BRF1: variants seen among roughly 807,000 people sequenced by gnomAD.
BRF1 encodes the protein transcription factor IIIB 90 kDa subunit.
A neutral mutation model predicts 81.7 loss-of-function variants in BRF1; 59 were observed. That is an observed-to-expected ratio of 0.72 (90% CI 0.59 to 0.90). BRF1 has a LOEUF of 0.90. Ranked by LOEUF, BRF1 falls within the 40% of genes least tolerant of loss-of-function variation. The pLI, the probability that BRF1 is intolerant of heterozygous loss-of-function variation, is 0.00. For synonymous variants in BRF1, 491 were observed against 395.6 expected (o/e 1.24, Z -2.86); for missense variants, 1,050 against 936.3 (o/e 1.12, Z -1.58).
In BRF1 at chr14:105,226,246, GT is replaced by G; in HGVS notation, c.955+4del. 6.2e-7 allele frequency: 1 copy of G among 1,614,108 alleles called. No individual in the cohort carries two copies. Among genetic ancestry groups the G allele is most frequent in the Non-Finnish European group, 8.5e-7 (1 of 1,180,030 alleles). On this transcript the variant is annotated splice_donor_region_variant and intron_variant, in intron 9 of 17. Coordinates refer to ENST00000547530, the MANE Select transcript of BRF1 (RefSeq NM_001519.4). Reference sequence around the variant, plus strand: ...AAGCATTACATGGGAAGATTGGTTGGTTACCTTCAACCTCCTCCAGTTTTTT... The same window carrying G: ...AAGCATTACATGGGAAGATTGGTTGGTACCTTCAACCTCCTCCAGTTTTTT...
At chr14:105,211,603 G>A (rs1426518948) in intron 16 of BRF1, 5 of 415,360 alleles carry the variant, frequency 1.2e-5, no homozygotes, top group Middle Eastern at 6.3e-4. Context: ...CCTCGGCCGA[G>A]GACACTGTGG....
At position 105,226,653 on chromosome 14, in the gene BRF1, C is replaced by G. The variant is rs769409927; in HGVS notation, c.896G>C (p.Arg299Thr). 6.2e-7 allele frequency: 1 copy of G among 1,613,248 alleles called. No homozygotes were observed. The highest frequency in any genetic ancestry group is 1.3e-5 in the African/African-American group (1 of 74,934). ...CGCTACCTGCTTCATCCGCAGCTTC[C>G]TCTGCCCAGCTGTGTACGAGGGGGG... ...CDPPSYTAGQ[R>T]KLRMKQLEQV... Residue 299 changes from arginine to threonine, a missense_variant, in exon 8 of 18, where the codon AGG becomes ACG. Arg to Thr is a moderately conservative substitution (Grantham distance 71). Transcript: ENST00000547530.
rs1028707142 is a variant in BRF1, at chr14:105,254,819, C to T, written c.471+1699G>A. Among the ~76,000 whole-genome samples the T allele has an allele frequency of 2.6e-5, 4 of 152,120 alleles. No individual in the cohort carries two copies. The South Asian group carries it at 8.3e-4, about 31-fold the overall frequency. On this transcript the variant is annotated intron_variant, in intron 4 of 17. Coordinates refer to ENST00000547530, the MANE Select transcript of BRF1 (RefSeq NM_001519.4). The stretch of plus-strand genomic sequence containing the variant: ...TCAGGTGATCTGCCTGCCTCAGCCT[C>T]CCAAAGTGCGGGGATTACAGGTGTG...
At chr14:105,264,760 G>A (rs774607185) in intron 3 of BRF1, among the ~76,000 whole-genome samples, 20 of 150,948 alleles carry the variant, frequency 1.3e-4, no homozygotes, top group Non-Finnish European at 7.4e-5. Flanking sequence ...AGGATTGCTC[G>A]AGCCTGGGAG....
intron 1 of BRF1, among the ~76,000 whole-genome samples, chr14:105,289,594 A>G (rs2140496214): frequency 6.6e-6 from 1 of 152,222 alleles, no homozygotes; most frequent in South Asian, 2.1e-4. Flanking sequence ...AGGTGCCTGC[A>G]ACTCCGACCC....
At chr14:105,313,067 G>A (rs935653885) in intron 1 of BRF1, among the ~76,000 whole-genome samples, 2 of 152,190 alleles carry the variant, frequency 1.3e-5, no homozygotes, top group Non-Finnish European at 2.9e-5. Flanking sequence ...GCTCAATGGT[G>A]GCAGCTGGTG....
chr14:105,302,146 CAAA>C (rs377143444), upstream of BRF1, among the ~76,000 whole-genome samples: 1 of 116,578 alleles, frequency 8.6e-6, no homozygotes. Flanking sequence ...AACTCTGTCT[CAAA>C]AAAAAAAAAG....
chr14:105,296,771 A>C (rs587608236), intron 1 of BRF1, among the ~76,000 whole-genome samples: 1 of 152,284 alleles, frequency 6.6e-6, no homozygotes, highest in South Asian at 2.1e-4. Flanking sequence ...AATCAACCAT[A>C]TTTATATAAA....
intron 5 of BRF1, chr14:105,246,970 A>AC: frequency 1.0e-6 from 1 of 985,202 alleles, no homozygotes; most frequent in African/African-American, 1.7e-5. Context: ...CCCCAAATGG[A>AC]CCCACCACAA....
chr14:105,272,517 G>A (rs1278364528), intron 3 of BRF1, among the ~76,000 whole-genome samples: 1 of 152,228 alleles, frequency 6.6e-6, no homozygotes, highest in African/African-American at 2.4e-5. Context: ...GAAGGCAGGT[G>A]CCCAGCTCCC....
chr14:105,295,303 CAAAAAAAAAA>C (rs869251134), intron 1 of BRF1, among the ~76,000 whole-genome samples: 6 of 36,596 alleles, frequency 1.6e-4, no homozygotes, highest in African/African-American at 3.6e-4. Flanking sequence ...CACATCTCTA[CAAAAAAAAAA>C]AAAAAAAAAA....
chr14:105,249,402 T>A, intron 5 of BRF1: 1 of 1,613,412 alleles, frequency 6.2e-7, no homozygotes, highest in Non-Finnish European at 8.5e-7. Flanking sequence ...TGCCATGTTC[T>A]ACGGAGACCT....
In BRF1 at chr14:105,214,236, G is replaced by A. The variant is rs374902999; in HGVS notation, c.1773-2072C>T. 8.6e-4 allele frequency among the ~76,000 whole-genome samples: 131 copies of A among 152,368 alleles called. 2 individuals carry two copies. The South Asian group carries it at 0.026, about 31-fold the overall frequency. On this transcript the variant is annotated intron_variant, in intron 15 of 17. Transcript: ENST00000547530. ...CTTTGTCCCCCTTCCAGATATGGGC[G>A]CTGGGGCCCACAGCCCACACTGGCC...
At chr14:105,229,331 C>T (rs955411213) in intron 6 of BRF1, among the ~76,000 whole-genome samples, 11 of 152,312 alleles carry the variant, frequency 7.2e-5, no homozygotes, top group Middle Eastern at 3.4e-3. Flanking sequence ...CCACAGTGGG[C>T]CCAGAACCTC....
intron 11 of BRF1, among the ~76,000 whole-genome samples, chr14:105,221,017 T>C (rs1177219301): frequency 6.6e-6 from 1 of 152,210 alleles, no homozygotes; most frequent in Non-Finnish European, 1.5e-5. Context: ...CCGGCCCAGA[T>C]ATCACTTGAT....
chr14:105,248,253 G>A (rs1003728849), intron 5 of BRF1: 6 of 985,332 alleles, frequency 6.1e-6, no homozygotes, highest in African/African-American at 5.2e-5. Flanking sequence ...CACAGGCCGC[G>A]GCCAGAGGCA....
intron 2 of BRF1, among the ~76,000 whole-genome samples, chr14:105,283,088 A>G (rs1317809961): frequency 2.0e-5 from 3 of 152,228 alleles, no homozygotes; most frequent in African/African-American, 7.2e-5. Flanking sequence ...GATCTGCCTC[A>G]CAGACATGCT....
chr14:105,219,052 T>C lies in BRF1; in HGVS notation c.1461A>G (p.Glu487=), dbSNP rs748715266. 1.2e-6 allele frequency: 2 copies of C among 1,613,946 alleles called. No individual in the cohort carries two copies. The highest frequency in any genetic ancestry group is 1.1e-5 in the South Asian group (1 of 91,084). ...ENAEYLREQR[E]KEARIAKEKE... Reference sequence around the variant, plus strand: ...TCTCTTTCGCTATTCTTGCTTCTTTTTCTAAAAGTTCAGAAAGGGGGCCAG... The same window carrying C: ...TCTCTTTCGCTATTCTTGCTTCTTTCTCTAAAAGTTCAGAAAGGGGGCCAG... Residue 487 remains glutamate, a splice_region_variant and synonymous_variant, in exon 14 of 18, where the codon GAA becomes GAG. Transcript: ENST00000547530.
chr14:105,217,938 C>T (rs2141436915), intron 14 of BRF1, 138 bp from the exon 15 acceptor site: 1 of 1,371,172 alleles, frequency 7.3e-7, no homozygotes, highest in Admixed American at 2.3e-5. Flanking sequence ...TGCCTCCTCC[C>T]CCCAGAATGT....
Sources: gnomAD v4.1 joint callset for allele counts (sites outside exome capture counted in the v4.1 genomes callset) on GRCh38, gnomAD v4.1.1 for gene constraint, MANE v1.5 for transcripts, NCBI Gene and HGNC (gene_info 2026-07-23, HGNC 2026-07-21) for gene names.